The following KCMF1 variants were observed in gnomAD, a reference collection of about 807,000 sequenced individuals.
The protein encoded by KCMF1 is potassium channel modulatory factor 1, also known as E3 ubiquitin-protein ligase KCMF1.
Under a neutral mutation model 41.1 loss-of-function variants are expected in KCMF1, and 3 were observed. That is an observed-to-expected ratio of 0.07 (90% CI 0.03 to 0.19). KCMF1 has a LOEUF of 0.19. Ranked by LOEUF, KCMF1 falls within the 10% of genes least tolerant of loss-of-function variation. The pLI is 1.00. For synonymous variants in KCMF1, 142 were observed against 164.5 expected (o/e 0.86, Z 1.04); for missense variants, 286 against 488.9 (o/e 0.58, Z 3.91).
At chr2:84,999,025 T>C (rs1310413579) in intron 1 of KCMF1, among the ~76,000 whole-genome samples, 178 of 37,906 alleles carry the variant, frequency 4.7e-3, no homozygotes, top group Middle Eastern at 0.029. Context: ...CACCCATCCA[T>C]CCATCCACCC....
intron 1 of KCMF1, among the ~76,000 whole-genome samples, chr2:84,986,948 T>C (rs779252531): frequency 6.6e-6 from 1 of 152,128 alleles, no homozygotes. Flanking sequence ...CAGGGACTTA[T>C]TTGTTTAGAC....
chr2:85,017,879 C>T (rs1674819686), intron 1 of KCMF1, among the ~76,000 whole-genome samples: 1 of 151,954 alleles, frequency 6.6e-6, no homozygotes, highest in Admixed American at 6.6e-5. Context: ...GAAAAGACTA[C>T]GTATTATTTC....
intron 1 of KCMF1, among the ~76,000 whole-genome samples, chr2:85,004,742 T>C (rs1674424273): frequency 6.6e-6 from 1 of 152,138 alleles, no homozygotes; most frequent in South Asian, 2.1e-4. Flanking sequence ...CATGCCTCAG[T>C]CTTCTATCTT....
intron 5 of KCMF1, among the ~76,000 whole-genome samples, chr2:85,049,071 A>G (rs1387996845): frequency 6.6e-6 from 1 of 152,244 alleles, no homozygotes. Flanking sequence ...ATTAAATACT[A>G]AGAGAAAGCT....
chr2:84,978,518 CTTTAAG>C (rs1419241926), intron 1 of KCMF1, among the ~76,000 whole-genome samples: 2 of 143,298 alleles, frequency 1.4e-5, no homozygotes, highest in East Asian at 2.0e-4. Flanking sequence ...TTTTTTTATA[CTTTAAG>C]TTTTAGGGTA....
intron 6 of KCMF1, among the ~76,000 whole-genome samples, chr2:85,051,852 A>G (rs777132441): frequency 2.0e-5 from 3 of 152,210 alleles, no homozygotes; most frequent in Non-Finnish European, 4.4e-5. Flanking sequence ...TGAATTTTCA[A>G]GGCAAGGAGA....
chr2:85,053,133 T>G lies in KCMF1; in HGVS notation c.885-15T>G. 1 of 1,601,500 alleles carries G rather than the reference T, an allele frequency of 6.2e-7. No homozygotes were observed. Among genetic ancestry groups the G allele is most frequent in the Non-Finnish European group, 8.5e-7 (1 of 1,174,178 alleles). On this transcript the variant is annotated splice_polypyrimidine_tract_variant and intron_variant, in intron 6 of 6. Transcript: ENST00000409785. ...ACTTTTTAACAATAAGGTCTTTTCT[T>G]TTTAACTTACACAGGTTGAATGATC...
intron 1 of KCMF1, among the ~76,000 whole-genome samples, chr2:85,013,186 C>T (rs17710619): frequency 0.061 from 9,310 of 152,186 alleles, 376 homozygotes; most frequent in Non-Finnish European, 0.094. Context: ...TCCTTATTCC[C>T]CATTTAGGCT....
chr2:85,012,415 T>A (rs904446291), intron 1 of KCMF1, among the ~76,000 whole-genome samples: 1 of 152,256 alleles, frequency 6.6e-6, no homozygotes, highest in East Asian at 1.9e-4. Flanking sequence ...ATACTGTATT[T>A]GTATACCTTG....
rs1458985571 is a variant in KCMF1 at position 85,053,249 on chromosome 2, T to C, written c.986T>C (p.Val329Ala). Residue 329 changes from valine (V) to alanine (A), a missense_variant, in exon 7 of 7, where the codon GTG (valine) becomes GCG (alanine). Val to Ala is a moderately conservative substitution (Grantham distance 64). Transcript: ENST00000409785. ...FVQELLLSTLVREESSSSDED... is the reference protein window; with the variant it reads ...FVQELLLSTLAREESSSSDED... ...CAAGAGCTCCTTCTGTCCACTTTAG[T>C]GCGTGAAGAGAGCTCATCCTCAGAT... 1.9e-6 allele frequency: 3 copies of C among 1,613,900 alleles called. No individual in the cohort carries two copies. Among genetic ancestry groups the C allele is most frequent in the Non-Finnish European group, 1.7e-6 (2 of 1,179,894 alleles).
At chr2:85,021,399 G>A (rs1026685313) in intron 1 of KCMF1, among the ~76,000 whole-genome samples, 4 of 152,206 alleles carry the variant, frequency 2.6e-5, no homozygotes, top group Non-Finnish European at 4.4e-5. Flanking sequence ...CAAGGCGGGC[G>A]GATCACGAGG....
In KCMF1 at chr2:84,971,419, G is replaced by A. The variant is rs759552848; in HGVS notation, c.-33G>A. On this transcript the variant is annotated 5_prime_UTR_variant, in exon 1 of 7. Coordinates refer to ENST00000409785, the MANE Select transcript of KCMF1 (RefSeq NM_020122.5). ...GCGGGGGACACTGCAGCCGGAGCCC[G>A]GGAGGGGCCGCGCCGCCACCGTCTG... is the stretch of plus-strand genomic sequence containing the variant. The A allele has an allele frequency of 1.3e-5, 16 of 1,204,330 alleles. No homozygotes were observed. Among genetic ancestry groups the A allele is most frequent in the South Asian group, 4.3e-5 (2 of 46,852 alleles). The allele number at this position is 1,204,330 out of a possible 1,614,324, so 74.6% of individuals were successfully genotyped here. A position where few individuals can be genotyped will look rare whatever the true frequency, so the allele number is the denominator to read the frequency against.
At chr2:84,974,381 G>GT (rs1673478477) in intron 1 of KCMF1, among the ~76,000 whole-genome samples, 1 of 151,862 alleles carries the variant, frequency 6.6e-6, no homozygotes. Context: ...TTTTATTAAT[G>GT]TAACTTTGGA....
chr2:85,054,522 T>TAA lies in KCMF1; in HGVS notation c.*1114_*1115insAA, dbSNP rs1429805332. On this transcript the variant is annotated 3_prime_UTR_variant, in exon 7 of 7. Coordinates refer to ENST00000409785, the MANE Select transcript of KCMF1 (RefSeq NM_020122.5). ...AGCCTTTTAATTGAATCATGCCACC[T>TAA]ATATGCCTATATTATTAATCCTATG... 6.6e-6 allele frequency: 1 copy of TAA among 152,202 alleles called. No homozygotes were observed. The highest frequency in any genetic ancestry group is 1.5e-5 in the Non-Finnish European group (1 of 68,042). 9.4% of individuals were successfully genotyped at this position (152,202 alleles called of 1,614,324 possible).
intron 1 of KCMF1, among the ~76,000 whole-genome samples, chr2:85,004,307 T>C (rs1289518055): frequency 6.6e-6 from 1 of 151,928 alleles, no homozygotes; most frequent in Non-Finnish European, 1.5e-5. Context: ...GTCAGGAGAT[T>C]GAGACTATCC....
intron 1 of KCMF1, among the ~76,000 whole-genome samples, chr2:84,981,963 A>G (rs1315036961): frequency 4.6e-5 from 7 of 151,866 alleles, no homozygotes. Context: ...TATTTTTTTT[A>G]GTAGAGACAG....
At chr2:84,996,612 T>C (rs1258864515) in intron 1 of KCMF1, among the ~76,000 whole-genome samples, 1 of 151,882 alleles carries the variant, frequency 6.6e-6, no homozygotes, top group East Asian at 1.9e-4. Context: ...ATTTTTGTAT[T>C]TTTAGTAGAG....
At chr2:85,021,248 A>G (rs1674929873) in intron 1 of KCMF1, among the ~76,000 whole-genome samples, 1 of 152,186 alleles carries the variant, frequency 6.6e-6, no homozygotes, top group African/African-American at 2.4e-5. Flanking sequence ...TGAGATCTCA[A>G]GGATCTCGAA....
chr2:84,978,182 A>C (rs1330641781), intron 1 of KCMF1, among the ~76,000 whole-genome samples: 1 of 151,854 alleles, frequency 6.6e-6, no homozygotes, highest in Non-Finnish European at 1.5e-5. Flanking sequence ...TTTTTAGTAG[A>C]TAGAGGGTTT....
Sources: allele counts gnomAD v4.1 joint callset (sites outside exome capture counted in the v4.1 genomes callset), GRCh38; gene constraint gnomAD v4.1.1; transcripts MANE v1.5; gene names NCBI Gene and HGNC (gene_info 2026-07-23, HGNC 2026-07-21).